The following DCUN1D4 variants were observed in gnomAD, a reference collection of about 807,000 sequenced individuals.
DCUN1D4 encodes defective in cullin neddylation 1 domain containing 4.
DCUN1D4 carries 22 observed loss-of-function variants against 47.9 expected under a neutral mutation model. The ratio of observed to expected loss-of-function variants is 0.46; its 90% CI spans 0.33 to 0.66. DCUN1D4 has a LOEUF of 0.66. DCUN1D4 is among the 30% of genes least tolerant of loss of function. DCUN1D4 has a pLI of 0.02. For synonymous variants in DCUN1D4, 121 were observed against 112.2 expected, an observed-to-expected ratio of 1.08 and a Z score of -0.50; for missense variants, 301 against 340.8, an observed-to-expected ratio of 0.88 and a Z score of 0.92.
upstream of DCUN1D4, among the ~76,000 whole-genome samples, chr4:51,838,325 A>G (rs1238071718): frequency 6.6e-6 from 1 of 152,156 alleles, no homozygotes; most frequent in African/African-American, 2.4e-5. Context: ...TAGATCTATA[A>G]AAGGAGCCTG....
chr4:51,879,556 G>A lies in DCUN1D4; in HGVS notation c.343+1702G>A, dbSNP rs540149290. Among the ~76,000 whole-genome samples, 7 of 152,296 alleles carry A rather than the reference G, an allele frequency of 4.6e-5. No individual in the cohort carries two copies. In the South Asian group the frequency reaches 1.5e-3, roughly 32 times the overall value. On this transcript the variant is annotated intron_variant, in intron 5 of 10. Coordinates refer to ENST00000334635, the MANE Select transcript of DCUN1D4 (RefSeq NM_001040402.3). ...TGGGAGGCGGAGGTTGCAGTGAGCC[G>A]AGATTGTGCCACTGCACTCCAGCCT... is the stretch of plus-strand genomic sequence containing the variant.
chr4:51,834,107 TTTTTTTC>T, the DCUN1D4 span, among the ~76,000 whole-genome samples: 7 of 123,970 alleles, frequency 5.6e-5, 2 homozygotes, highest in African/African-American at 2.4e-4. Context: ...TTCTTTCTTT[TTTTTTTC>T]TTTTTTTTTT....
chr4:51,842,823 C>T (rs1434664445), upstream of DCUN1D4, among the ~76,000 whole-genome samples: 1 of 152,252 alleles, frequency 6.6e-6, no homozygotes, highest in Non-Finnish European at 1.5e-5. Flanking sequence ...ACCAATCCCG[C>T]CCGCCACTGG....
At chr4:51,845,120 A>G in intron 1 of DCUN1D4, 1 of 985,482 alleles carries the variant, frequency 1.0e-6, no homozygotes, top group Non-Finnish European at 1.2e-6. Flanking sequence ...GGGTTGTGGG[A>G]AAACATTTAA....
At chr4:51,838,479 T>C (rs1721551975), upstream of DCUN1D4, among the ~76,000 whole-genome samples, 1 of 152,112 alleles carries the variant, frequency 6.6e-6, no homozygotes, top group Non-Finnish European at 1.5e-5. Flanking sequence ...CCCATAGGGC[T>C]CAAGGGATCC....
chr4:51,913,494 A>G, intron 10 of DCUN1D4, 35 bp from the exon 11 acceptor site: 1 of 1,581,906 alleles, frequency 6.3e-7, no homozygotes. Context: ...TGTTATTATT[A>G]TTATTATTAC....
Position 51,913,346 on chromosome 4 carries a change from C to T in DCUN1D4, c.777C>T (p.Ser259=), listed in dbSNP as rs1164841256. ...AGTGGTGCAATGTCCTAGAGTTTAG[C>T]AGAACAATTAATCTTGACCTCAGCA... ...KDQWCNVLEF[S]RTINLDLSNY... Residue 259 remains serine, a synonymous_variant, in exon 10 of 11, where the codon AGC becomes AGT. Coordinates refer to ENST00000334635, the MANE Select transcript of DCUN1D4 (RefSeq NM_001040402.3). 3 of 1,612,702 alleles carry T rather than the reference C, an allele frequency of 1.9e-6. No individual in the cohort carries two copies. Among genetic ancestry groups the T allele is most frequent in the Non-Finnish European group, 2.5e-6 (3 of 1,179,274 alleles).
At chr4:51,859,683 C>CCAAT (rs1179550490) in intron 1 of DCUN1D4, among the ~76,000 whole-genome samples, 1 of 143,484 alleles carries the variant, frequency 7.0e-6, no homozygotes, top group East Asian at 2.0e-4. Context: ...AAGTTTATGC[C>CCAAT]CAATCAGCAG....
chr4:51,850,294 AGTTAGATGACTT>A (rs1272085599), intron 1 of DCUN1D4, among the ~76,000 whole-genome samples: 3 of 152,174 alleles, frequency 2.0e-5, no homozygotes, highest in Non-Finnish European at 4.4e-5. Flanking sequence ...AAGTGTCTTG[AGTTAGATGACTT>A]GTTCTGGTGA....
chr4:51,869,159 G>T (rs1316667799), intron 3 of DCUN1D4, among the ~76,000 whole-genome samples: 1 of 133,872 alleles, frequency 7.5e-6, no homozygotes, highest in Non-Finnish European at 1.5e-5. Flanking sequence ...AATCAGAGAG[G>T]ACCAAAAATA....
intron 8 of DCUN1D4, among the ~76,000 whole-genome samples, chr4:51,907,232 G>T (rs1195656269): frequency 6.6e-6 from 1 of 152,290 alleles, no homozygotes; most frequent in Admixed American, 6.5e-5. Flanking sequence ...TGTTTTAAAG[G>T]AAGTGTCAAG....
At chr4:51,838,693 A>G (rs1721556709), upstream of DCUN1D4, among the ~76,000 whole-genome samples, 1 of 152,160 alleles carries the variant, frequency 6.6e-6, no homozygotes, top group South Asian at 2.1e-4. Flanking sequence ...TGATTTCACT[A>G]TCTTTTGAGA....
chr4:51,888,685 C>T (rs1293203482), intron 6 of DCUN1D4, among the ~76,000 whole-genome samples: 1 of 148,526 alleles, frequency 6.7e-6, no homozygotes, highest in Admixed American at 6.8e-5. Flanking sequence ...CATCATGCCA[C>T]TGCACTCCAG....
At chr4:51,912,502 C>T (rs1221628938) in intron 9 of DCUN1D4, among the ~76,000 whole-genome samples, 1 of 152,150 alleles carries the variant, frequency 6.6e-6, no homozygotes, top group Non-Finnish European at 1.5e-5. Flanking sequence ...ACTCAACTCT[C>T]TTTGCTTTTT....
the DCUN1D4 span, among the ~76,000 whole-genome samples, chr4:51,834,082 C>CTTTTTTTT: frequency 3.5e-5 from 2 of 57,298 alleles, no homozygotes; most frequent in Non-Finnish European, 3.0e-5. Flanking sequence ...CTCTCTCTCT[C>CTTTTTTTT]TCTCTTTTCT....
chr4:51,913,802 T>C lies in DCUN1D4; in HGVS notation c.*218T>C, dbSNP rs1734043532. 3 of 478,322 alleles carry C rather than the reference T, an allele frequency of 6.3e-6. No homozygotes were observed. The highest frequency in any genetic ancestry group is 1.1e-5 in the Non-Finnish European group (3 of 270,786). The allele number at this position is 478,322 out of a possible 1,614,324, so 29.6% of individuals were successfully genotyped here. On this transcript the variant is annotated 3_prime_UTR_variant, in exon 11 of 11. Transcript: ENST00000334635. The stretch of plus-strand genomic sequence containing the variant: ...TGCAGTTTGTATTTACACTACAGAT[T>C]GGTGAATTTGCCAACGTCCTCACTG...
chr4:51,863,518 C>A lies in DCUN1D4; in HGVS notation c.96+11C>A, dbSNP rs1725405562. The A allele has an allele frequency of 1.9e-6, 3 of 1,606,518 alleles. No homozygotes were observed. The highest frequency in any genetic ancestry group is 1.3e-5 in the African/African-American group (1 of 74,626). ...ACCCTTAATAAGCTGGTAAGTCATT[C>A]TTTTAAAGACAAAATTACCAACTGT... On this transcript the variant is annotated intron_variant, in intron 2 of 10. Transcript: ENST00000334635.
intron 5 of DCUN1D4, among the ~76,000 whole-genome samples, chr4:51,878,886 A>G (rs1056723812): frequency 2.0e-5 from 3 of 151,940 alleles, no homozygotes; most frequent in African/African-American, 7.3e-5. Flanking sequence ...TGATCTGGCT[A>G]TTTTTCTCCT....
intron 1 of DCUN1D4, chr4:51,848,244 G>A (rs1722854519): frequency 3.6e-5 from 46 of 1,289,210 alleles, no homozygotes; most frequent in Non-Finnish European, 4.7e-5. Context: ...AAATTCTCAA[G>A]GAAAGAGTAA....
Sources: allele counts gnomAD v4.1 joint callset (sites outside exome capture counted in the v4.1 genomes callset), GRCh38; gene constraint gnomAD v4.1.1; transcripts MANE v1.5; gene names NCBI Gene and HGNC (gene_info 2026-07-23, HGNC 2026-07-21).